USP34: variants seen among roughly 807,000 people sequenced by gnomAD.
The protein encoded by USP34 is ubiquitin carboxyl-terminal hydrolase 34.
USP34 carries 70 observed loss-of-function variants against 460.3 expected under a neutral mutation model. The ratio of observed to expected loss-of-function variants is 0.15; its 90% confidence interval spans 0.13 to 0.19. The LOEUF (loss-of-function observed/expected upper bound fraction) is 0.19. USP34 is among the 10% of genes least tolerant of loss of function. The pLI is 1.00. For missense variants in USP34, 3,985 were observed against 4,236.2 expected, an observed-to-expected ratio of 0.94 and a Z score of 1.65; for synonymous variants, 1,647 against 1,405.3, an observed-to-expected ratio of 1.17 and a Z score of -3.85.
Position 61,407,710 on chromosome 2 carries a change from C to T in USP34, c.132-1582G>A, listed in dbSNP as rs1693919340. On this transcript the variant is annotated intron_variant, in intron 2 of 79. Coordinates refer to ENST00000398571, the MANE Select transcript of USP34 (RefSeq NM_014709.4). Reference sequence around the variant, plus strand: ...GTCATAAAAGACATTGTCACTTCTGCCTTGCTCTTTTTTGGATCACTTACT... The same window carrying T: ...GTCATAAAAGACATTGTCACTTCTGTCTTGCTCTTTTTTGGATCACTTACT... 2.0e-5 allele frequency among the ~76,000 whole-genome samples: 3 copies of T among 152,106 alleles called. No individual in the cohort carries two copies. In the South Asian group the frequency reaches 6.2e-4, roughly 32 times the overall value.
Position 61,368,039 on chromosome 2 carries a change from G to A in USP34, c.1251+2282C>T, listed in dbSNP as rs115755330. The stretch of plus-strand genomic sequence containing the variant: ...TCGATGAACATGTCCTTAAACAACC[G>A]GAAAGTAAATATTTTAGGATTATGG... On this transcript the variant is annotated intron_variant, in intron 10 of 79. Transcript: ENST00000398571. Among the ~76,000 whole-genome samples, 467 of 152,192 alleles carry A rather than the reference G, an allele frequency of 3.1e-3. 2 individuals carry two copies. Among genetic ancestry groups the A allele is most frequent in the Non-Finnish European group, 3.5e-3 (236 of 68,012 alleles).
intron 1 of USP34, among the ~76,000 whole-genome samples, chr2:61,448,984 T>C (rs1460406125): frequency 6.6e-6 from 1 of 152,064 alleles, no homozygotes; most frequent in Non-Finnish European, 1.5e-5. Flanking sequence ...GAAAAACCTG[T>C]CTCTACTAAA....
At chr2:61,392,461 T>C (rs1237777538) in intron 5 of USP34, among the ~76,000 whole-genome samples, 1 of 151,988 alleles carries the variant, frequency 6.6e-6, no homozygotes, top group East Asian at 1.9e-4. Flanking sequence ...CCGGGTCTAC[T>C]AAAAATACAA....
intron 2 of USP34, among the ~76,000 whole-genome samples, chr2:61,415,876 A>T (rs1694179441): frequency 6.6e-6 from 1 of 152,254 alleles, no homozygotes. Flanking sequence ...ATGTTTTTAA[A>T]ATGCAATGAT....
intron 1 of USP34, among the ~76,000 whole-genome samples, chr2:61,443,234 G>A (rs183788157): frequency 1.3e-5 from 2 of 152,224 alleles, no homozygotes; most frequent in Non-Finnish European, 2.9e-5. Context: ...ACTGTGAAAT[G>A]ACTACAGTTA....
chr2:61,238,750 C>G (rs1216216930), intron 53 of USP34, among the ~76,000 whole-genome samples: 1 of 152,048 alleles, frequency 6.6e-6, no homozygotes. Context: ...TGGCTTAGGT[C>G]TGCAATGAGG....
chr2:61,307,424 C>A (rs1338886779), intron 27 of USP34, among the ~76,000 whole-genome samples: 1 of 151,688 alleles, frequency 6.6e-6, no homozygotes. Context: ...TGTAACAAAC[C>A]TGCGCGTTGT....
intron 41 of USP34, among the ~76,000 whole-genome samples, chr2:61,274,018 T>C (rs1470123131): frequency 6.7e-6 from 1 of 149,182 alleles, no homozygotes. Flanking sequence ...AAACAGGGAG[T>C]TTTTAAAAGT....
chr2:61,353,569 G>GTTTTTT (rs200338931), intron 10 of USP34, among the ~76,000 whole-genome samples: 2 of 121,084 alleles, frequency 1.7e-5, no homozygotes, highest in Non-Finnish European at 3.7e-5. Flanking sequence ...TTTTGTTTTT[G>GTTTTTT]TTTTTGTTTT....
chr2:61,348,371 G>C lies in USP34; in HGVS notation c.1784C>G (p.Ser595Cys), dbSNP rs766713949. 3 of 1,614,004 alleles carry C rather than the reference G, an allele frequency of 1.9e-6. No homozygotes were observed. The highest frequency in any genetic ancestry group is 1.1e-5 in the South Asian group (1 of 91,084). The change falls in exon 15 of 80, where the codon TCT becomes TGT. Residue 595 changes from serine (S) to cysteine (C), a missense_variant. Ser to Cys is a moderately radical substitution (Grantham distance 112). Around this residue, in one of 14 missense-constraint regions of USP34, gnomAD observed 716 missense variants for 626.2 expected, o/e 1.14. Transcript: ENST00000398571. Reference sequence around the variant, plus strand: ...CCCAGCTGACTGGCTTGCGTGGCTAGAATTAACCTCATTGCTAGATCCATC... The same window carrying C: ...CCCAGCTGACTGGCTTGCGTGGCTACAATTAACCTCATTGCTAGATCCATC... ...HSDGSSNEVN[S>C]SHASQSAGSP...
intron 58 of USP34, 82 bp downstream of exon 58, chr2:61,232,370 A>T (rs1464608430): frequency 8.7e-7 from 1 of 1,150,546 alleles, no homozygotes; most frequent in African/African-American, 1.6e-5. Flanking sequence ...AGGTTAAGAC[A>T]CACTTATAAG....
At chr2:61,414,283 AAG>A (rs1558580757) in intron 2 of USP34, among the ~76,000 whole-genome samples, 1 of 151,648 alleles carries the variant, frequency 6.6e-6, no homozygotes, top group African/African-American at 2.4e-5. Context: ...TAAAAAAAAA[AAG>A]AGTATGAAGG....
intron 10 of USP34, among the ~76,000 whole-genome samples, chr2:61,368,176 G>A (rs1049904086): frequency 1.3e-5 from 2 of 152,200 alleles, no homozygotes; most frequent in South Asian, 2.1e-4. Context: ...GCTCACGCCT[G>A]TAATACCAGC....
intron 6 of USP34, among the ~76,000 whole-genome samples, chr2:61,382,344 A>G (rs1692998446): frequency 6.6e-6 from 1 of 152,142 alleles, no homozygotes; most frequent in Non-Finnish European, 1.5e-5. Context: ...ATCCCCTTAC[A>G]CATTATTCTC....
Position 61,457,062 on chromosome 2 carries a change from G to C in USP34, c.43+13588C>G, listed in dbSNP as rs144711549. On this transcript the variant is annotated intron_variant, in intron 1 of 79. Coordinates refer to ENST00000398571, the MANE Select transcript of USP34 (RefSeq NM_014709.4). The stretch of plus-strand genomic sequence containing the variant: ...AGGCTGGAACAGAAGGATGGTTTGA[G>C]CCCAGGAGTTCAAGACCAGCCTGGG... Among the ~76,000 whole-genome samples the C allele has an allele frequency of 4.1e-3, 627 of 152,214 alleles. 1 individual carries two copies. Among genetic ancestry groups the C allele is most frequent in the Non-Finnish European group, 5.2e-3 (355 of 68,020 alleles).
rs756474245 is a variant in USP34, at chr2:61,188,881, A to AG, written c.10033+28dup. On this transcript the variant is annotated intron_variant, in intron 79 of 79. Transcript: ENST00000398571. ...GTATTACTCCCTCCTCCCACCCTAA[A>AG]GGTAATGATAGTAGTCCATAAAGCT... 1.1e-5 allele frequency: 18 copies of AG among 1,612,534 alleles called. No individual in the cohort carries two copies. The South Asian group carries it at 1.8e-4, about 16-fold the overall frequency.
In USP34 at chr2:61,188,376, G is replaced by T. The variant is rs1278280189; in HGVS notation, c.10367C>A (p.Ser3456Tyr). Reference sequence around the variant, plus strand: ...TTCCTCAGCTAGGGTAGAATCCTTGGAACAGTGGAGGTCTTTAAATTCTTT... The same window carrying T: ...TTCCTCAGCTAGGGTAGAATCCTTGTAACAGTGGAGGTCTTTAAATTCTTT... ...DCKEFKDLHC[S>Y]KDSTLAEEES... Residue 3456 changes from serine (S) to tyrosine (Y), a missense_variant, in exon 80 of 80, where the codon TCC becomes TAC. Transcript: ENST00000398571. The T allele has an allele frequency of 1.9e-6, 3 of 1,613,880 alleles. No homozygotes were observed. The highest frequency in any genetic ancestry group is 2.5e-6 in the Non-Finnish European group (3 of 1,180,032).
At chr2:61,394,790 T>A (rs1693466055) in intron 5 of USP34, 63 bp downstream of exon 5, 1 of 1,286,152 alleles carries the variant, frequency 7.8e-7, no homozygotes. Flanking sequence ...GAGCATAAAA[T>A]TCATGTTACT....
At chr2:61,214,897 C>A (rs1029063405) in intron 67 of USP34, among the ~76,000 whole-genome samples, 1 of 152,212 alleles carries the variant, frequency 6.6e-6, no homozygotes, top group Admixed American at 6.5e-5. Flanking sequence ...ACCTTCTATT[C>A]TGCCATTGTT....
Sources: allele counts gnomAD v4.1 joint callset (sites outside exome capture counted in the v4.1 genomes callset), GRCh38; gene constraint gnomAD v4.1.1; regional missense constraint gnomAD v4.1.1; transcripts MANE v1.5; gene names NCBI Gene and HGNC (gene_info 2026-07-23, HGNC 2026-07-21).